The following LSAMP variants were observed in gnomAD, a reference collection of about 807,000 sequenced individuals.
The protein encoded by LSAMP is limbic system associated membrane protein.
A neutral mutation model predicts 38.6 loss-of-function variants in LSAMP; 7 were observed. That is an observed-to-expected ratio of 0.18 (90% CI 0.10 to 0.34). The LOEUF is 0.34. Ranked by LOEUF, LSAMP falls within the 10% of genes least tolerant of loss-of-function variation. The pLI, the probability that LSAMP is intolerant of heterozygous loss-of-function variation, is 1.00. For synonymous variants in LSAMP, 154 were observed against 166.8 expected (o/e 0.92, Z 0.59); for missense variants, 313 against 420.0 (o/e 0.75, Z 2.23).
At chr3:116,038,835 T>G (rs1941104407) in intron 2 of LSAMP, among the ~76,000 whole-genome samples, 1 of 152,224 alleles carries the variant, frequency 6.6e-6, no homozygotes, top group African/African-American at 2.4e-5. Flanking sequence ...AGATCTTCCC[T>G]TATATTGGGT....
intron 1 of LSAMP, among the ~76,000 whole-genome samples, chr3:116,139,651 G>C (rs1709327820): frequency 6.6e-6 from 1 of 151,894 alleles, no homozygotes; most frequent in South Asian, 2.1e-4. Context: ...CGTCAACCTA[G>C]GGGCCTTTAT....
chr3:116,226,619 C>G (rs931585934), intron 1 of LSAMP, among the ~76,000 whole-genome samples: 1 of 152,206 alleles, frequency 6.6e-6, no homozygotes, highest in Non-Finnish European at 1.5e-5. Context: ...CTTTTTAAGG[C>G]CCACATTCTT....
intron 3 of LSAMP, among the ~76,000 whole-genome samples, chr3:115,890,286 C>A (rs899676153): frequency 3.3e-5 from 5 of 151,890 alleles, no homozygotes; most frequent in African/African-American, 1.2e-4. Context: ...GAGCATCAAC[C>A]AGCTAAAATT....
chr3:116,344,921 C>T (rs867057286), intron 1 of LSAMP, among the ~76,000 whole-genome samples: 7 of 152,112 alleles, frequency 4.6e-5, no homozygotes, highest in African/African-American at 9.7e-5. Context: ...ATATTATTCA[C>T]GGTAGGCATT....
At chr3:116,007,407 C>T (rs1940193853) in intron 3 of LSAMP, among the ~76,000 whole-genome samples, 1 of 152,070 alleles carries the variant, frequency 6.6e-6, no homozygotes, top group Non-Finnish European at 1.5e-5. Flanking sequence ...TGAGGTTCCT[C>T]TTTTTTATTA....
At chr3:115,895,728 G>A (rs1310286647) in intron 3 of LSAMP, among the ~76,000 whole-genome samples, 2 of 152,010 alleles carry the variant, frequency 1.3e-5, no homozygotes, top group Non-Finnish European at 2.9e-5. Context: ...AATACAAAGT[G>A]TATCTGTAAG....
intron 1 of LSAMP, among the ~76,000 whole-genome samples, chr3:116,135,224 A>G (rs1167477790): frequency 6.6e-6 from 1 of 152,206 alleles, no homozygotes; most frequent in Non-Finnish European, 1.5e-5. Context: ...TATTACAAAC[A>G]TCACCATCCA....
At chr3:115,866,853 G>A (rs1383761561) in intron 3 of LSAMP, among the ~76,000 whole-genome samples, 3 of 151,996 alleles carry the variant, frequency 2.0e-5, no homozygotes, top group African/African-American at 7.2e-5. Context: ...CTTTTGCAAT[G>A]CAAATATTAA....
rs146454688 is a variant in LSAMP, at chr3:115,887,907, T to C, written c.515-35290A>G. Among the ~76,000 whole-genome samples the C allele has an allele frequency of 5.1e-3, 777 of 152,048 alleles. 10 individuals carry two copies. Among genetic ancestry groups the C allele is most frequent in the African/African-American group, 0.018 (747 of 41,536 alleles). On this transcript the variant is annotated intron_variant, in intron 3 of 6. Coordinates refer to ENST00000490035, the MANE Select transcript of LSAMP (RefSeq NM_002338.5). ...ATTCATTGATATGTCTGAAGTAATA[T>C]GTATTTTAACATATTTTTACCATTA...
At chr3:116,206,687 G>T (rs1385693549) in intron 1 of LSAMP, among the ~76,000 whole-genome samples, 2 of 151,948 alleles carry the variant, frequency 1.3e-5, no homozygotes, top group East Asian at 3.9e-4. Flanking sequence ...GGAGCAGGTT[G>T]TTCAGTTTCC....
intron 2 of LSAMP, among the ~76,000 whole-genome samples, chr3:116,039,803 G>T (rs1941126794): frequency 1.3e-5 from 2 of 152,290 alleles, no homozygotes; most frequent in South Asian, 4.1e-4. Context: ...CAAATTGGCT[G>T]CAATACGAAT....
At chr3:116,344,409 T>C (rs1375774612) in intron 1 of LSAMP, among the ~76,000 whole-genome samples, 1 of 151,308 alleles carries the variant, frequency 6.6e-6, no homozygotes, top group East Asian at 1.9e-4. Context: ...AAGAAGGGGG[T>C]GATGAGGGGG....
At chr3:116,242,307 A>G (rs2046547723) in intron 1 of LSAMP, among the ~76,000 whole-genome samples, 1 of 152,244 alleles carries the variant, frequency 6.6e-6, no homozygotes, top group Admixed American at 6.5e-5. Flanking sequence ...TCAGCTTATT[A>G]AAAAGAAACA....
chr3:115,892,852 TATTTTA>T, intron 3 of LSAMP, among the ~76,000 whole-genome samples: 1 of 149,198 alleles, frequency 6.7e-6, no homozygotes, highest in Non-Finnish European at 1.5e-5. Flanking sequence ...TAATATATAT[TATTTTA>T]ATTTAAACTG....
chr3:116,004,343 C>T (rs1212244511), intron 3 of LSAMP, among the ~76,000 whole-genome samples: 1 of 151,686 alleles, frequency 6.6e-6, no homozygotes, highest in Non-Finnish European at 1.5e-5. Context: ...CAAATTTTCA[C>T]TAAAACTAGT....
chr3:116,091,289 C>T (rs1708118042), intron 1 of LSAMP, among the ~76,000 whole-genome samples: 1 of 152,194 alleles, frequency 6.6e-6, no homozygotes. Flanking sequence ...TGCTGTTATC[C>T]TGTTCTTTTT....
chr3:116,275,188 G>C (rs66788229), intron 1 of LSAMP, among the ~76,000 whole-genome samples: 34,693 of 151,880 alleles, frequency 0.23, 4,796 homozygotes, highest in African/African-American at 0.38. Context: ...GCATAGCGGA[G>C]ACTACAGGTA....
chr3:115,956,044 CTCAGT>C (rs1320294615), intron 3 of LSAMP, among the ~76,000 whole-genome samples: 1 of 152,118 alleles, frequency 6.6e-6, no homozygotes, highest in Non-Finnish European at 1.5e-5. Flanking sequence ...CAGAATGTGA[CTCAGT>C]TCAACTGTAG....
chr3:116,005,967 C>T (rs1319841172), intron 3 of LSAMP, among the ~76,000 whole-genome samples: 7 of 152,112 alleles, frequency 4.6e-5, no homozygotes, highest in South Asian at 4.1e-4. Flanking sequence ...TAAGGTATAG[C>T]AGTCATAAAG....
Sources: gnomAD v4.1 joint callset for allele counts (sites outside exome capture counted in the v4.1 genomes callset) on GRCh38, gnomAD v4.1.1 for gene constraint, MANE v1.5 for transcripts, NCBI Gene and HGNC (gene_info 2026-07-23, HGNC 2026-07-21) for gene names.